Variants in PHLDB2 observed in about 807,000 individuals in gnomAD.
The protein encoded by PHLDB2 is pleckstrin homology-like domain family B member 2.
In PHLDB2, 71 loss-of-function variants were observed where a neutral mutation model predicts 123.6. The ratio of observed to expected loss-of-function variants is 0.57; its 90% CI spans 0.47 to 0.70. The LOEUF (loss-of-function observed/expected upper bound fraction) is 0.70, where lower values mean the gene tolerates loss of function less well. Among genes scored for constraint, PHLDB2 ranks in the 30% least tolerant of loss-of-function variants. PHLDB2 has a pLI of 0.00. For synonymous variants in PHLDB2, 547 were observed against 541.6 expected, an observed-to-expected ratio of 1.01 and a Z score of -0.14; for missense variants, 1,446 against 1,519.5, an observed-to-expected ratio of 0.95 and a Z score of 0.80.
At position 111,962,118 on chromosome 3, in the gene PHLDB2, C is replaced by T. The variant is rs2071447407; in HGVS notation, c.2883C>T (p.His961=). The T allele has an allele frequency of 6.3e-7, 1 of 1,577,914 alleles. No individual in the cohort carries two copies. Reference sequence around the variant, plus strand: ...TGGCTCCTTCCTTAGGTTATAATCACCAACAGATGAGTGAAGGACACAGGC... The same window carrying T: ...TGGCTCCTTCCTTAGGTTATAATCATCAACAGATGAGTGAAGGACACAGGC... ...ESRRMLRGYN[H]QQMSEGHRQK... is the part of the protein sequence containing the mutation. Residue 961 remains histidine (H), a synonymous_variant, in exon 13 of 18, where the codon CAC becomes CAT. Coordinates refer to ENST00000431670, the MANE Select transcript of PHLDB2 (RefSeq NM_001134438.2).
chr3:111,821,357 G>A (rs983024451), intron 1 of PHLDB2, among the ~76,000 whole-genome samples: 2 of 152,200 alleles, frequency 1.3e-5, no homozygotes, highest in African/African-American at 4.8e-5. Context: ...ATGGATGAGA[G>A]ACAGAAGTGG....
At chr3:111,892,176 C>T (rs1052919938) in intron 2 of PHLDB2, among the ~76,000 whole-genome samples, 1 of 152,098 alleles carries the variant, frequency 6.6e-6, no homozygotes, top group Non-Finnish European at 1.5e-5. Flanking sequence ...CGAATTTTTT[C>T]CATTACATAT....
intron 1 of PHLDB2, among the ~76,000 whole-genome samples, chr3:111,829,087 C>T (rs184688535): frequency 1.3e-5 from 2 of 152,156 alleles, no homozygotes; most frequent in African/African-American, 2.4e-5. Flanking sequence ...GACTGTTCAC[C>T]CAGAGTTTTA....
intron 1 of PHLDB2, among the ~76,000 whole-genome samples, chr3:111,758,404 G>A (rs566963579): frequency 2.2e-4 from 33 of 152,322 alleles, no homozygotes; most frequent in East Asian, 9.7e-4. Flanking sequence ...AGGACCCTCC[G>A]AGCCATGTGC....
intron 5 of PHLDB2, among the ~76,000 whole-genome samples, chr3:111,930,657 G>T (rs1317715794): frequency 6.6e-6 from 1 of 152,186 alleles, no homozygotes; most frequent in Non-Finnish European, 1.5e-5. Flanking sequence ...AACGGTGCTA[G>T]TATATTCAGT....
intron 1 of PHLDB2, among the ~76,000 whole-genome samples, chr3:111,816,936 A>G (rs904752972): frequency 2.0e-5 from 3 of 152,174 alleles, no homozygotes; most frequent in African/African-American, 4.8e-5. Context: ...ATGATAATGA[A>G]TGAGTCTCAC....
chr3:111,939,314 T>A (rs1041150866), intron 6 of PHLDB2, among the ~76,000 whole-genome samples, 161 bp from the exon 7 acceptor site: 42 of 152,196 alleles, frequency 2.8e-4, no homozygotes, highest in Non-Finnish European at 2.4e-4. Context: ...AACAGTCACG[T>A]TCTGGGATTT....
At chr3:111,958,855 A>G in intron 12 of PHLDB2, 1 of 409,374 alleles carries the variant, frequency 2.4e-6, no homozygotes, top group Non-Finnish European at 4.8e-6. Flanking sequence ...GCTCCCCCTC[A>G]AAAAGTAGAT....
intron 1 of PHLDB2, among the ~76,000 whole-genome samples, chr3:111,863,123 G>T (rs765370216): frequency 5.3e-5 from 8 of 152,162 alleles, no homozygotes; most frequent in Non-Finnish European, 1.0e-4. Flanking sequence ...AGACTGTGGG[G>T]CACGTGCCTG....
At chr3:111,966,967 GT>G (rs756927567) in intron 14 of PHLDB2, among the ~76,000 whole-genome samples, 17 of 149,818 alleles carry the variant, frequency 1.1e-4, no homozygotes, top group South Asian at 2.1e-4. Flanking sequence ...TTTTGTGTGT[GT>G]TTTTTTTTTG....
In PHLDB2 at chr3:111,911,126, A is replaced by G. The variant is rs78893810; in HGVS notation, c.1336-2193A>G. 6.8e-3 allele frequency among the ~76,000 whole-genome samples: 1,040 copies of G among 152,328 alleles called. 13 individuals carry two copies. The highest frequency in any genetic ancestry group is 0.024 in the African/African-American group (993 of 41,586). On this transcript the variant is annotated intron_variant, in intron 2 of 17. Coordinates refer to ENST00000431670, the MANE Select transcript of PHLDB2 (RefSeq NM_001134438.2). ...TGCAGAAAAAGAAACTATTTTGGGAAGGCCATGTGGGAGGAATTTTTCTCT... is the reference window on the plus strand; with the variant it reads ...TGCAGAAAAAGAAACTATTTTGGGAGGGCCATGTGGGAGGAATTTTTCTCT...
In PHLDB2 at chr3:111,940,736, G is replaced by A. The variant is rs574559048; in HGVS notation, c.2397+91G>A. 58 of 586,332 alleles carry A rather than the reference G, an allele frequency of 9.9e-5. No individual in the cohort carries two copies. In the African/African-American group the frequency reaches 1.0e-3, roughly 10 times the overall value. 36.3% of individuals were successfully genotyped at this position (586,332 alleles called of 1,614,324 possible). A position where few individuals can be genotyped will look rare whatever the true frequency, so the allele number is the denominator to read the frequency against. The stretch of plus-strand genomic sequence containing the variant: ...CCTTTAAAGTAAACACCTTTTAATA[G>A]TGAATGTCTATACAATTTAAGGAAG... On this transcript the variant is annotated intron_variant, in intron 8 of 17. Transcript: ENST00000431670.
At chr3:111,752,240 GTC>G (rs2059791163) in intron 1 of PHLDB2, among the ~76,000 whole-genome samples, 2 of 142,896 alleles carry the variant, frequency 1.4e-5, no homozygotes, top group African/African-American at 5.6e-5. Flanking sequence ...GTGTGTGTGT[GTC>G]TGTGTCTGTG....
intron 1 of PHLDB2, among the ~76,000 whole-genome samples, chr3:111,804,676 T>G (rs1357391199): frequency 6.6e-6 from 1 of 152,238 alleles, no homozygotes; most frequent in Non-Finnish European, 1.5e-5. Flanking sequence ...TAAACTTTCA[T>G]TTCTTATTTA....
In PHLDB2 at chr3:111,747,674, C is replaced by T. The variant is rs184263658; in HGVS notation, c.-49+14971C>T. ...GAAGCCTCTCCCGCAGGGAAGGGAA[C>T]ATGAGGATACACTGAGCTGTGTGTT... On this transcript the variant is annotated intron_variant, in intron 1 of 17. Transcript: ENST00000393923. 6.1e-3 allele frequency among the ~76,000 whole-genome samples: 922 copies of T among 152,280 alleles called. 3 individuals carry two copies. The highest frequency in any genetic ancestry group is 9.1e-3 in the Non-Finnish European group (616 of 68,012).
chr3:111,895,583 C>T (rs1365467238), intron 2 of PHLDB2, among the ~76,000 whole-genome samples: 2 of 152,200 alleles, frequency 1.3e-5, no homozygotes, highest in Non-Finnish European at 2.9e-5. Context: ...CGTGTTGGCT[C>T]ACGCCTGTAA....
intron 1 of PHLDB2, among the ~76,000 whole-genome samples, chr3:111,841,836 C>T (rs72938226): frequency 0.036 from 5,508 of 152,238 alleles, 345 homozygotes; most frequent in African/African-American, 0.12. Context: ...GACTGATAGA[C>T]CTAGAGCACT....
chr3:111,843,640 C>T (rs2063796936), intron 1 of PHLDB2, among the ~76,000 whole-genome samples: 1 of 152,184 alleles, frequency 6.6e-6, no homozygotes, highest in South Asian at 2.1e-4. Context: ...GATCCTCCTG[C>T]CTCAGCCTCC....
In PHLDB2 at chr3:111,812,880, T is replaced by A. The variant is rs563933580; in HGVS notation, c.-48-32941T>A. Among the ~76,000 whole-genome samples, 7 of 152,216 alleles carry A rather than the reference T, an allele frequency of 4.6e-5. No homozygotes were observed. In the East Asian group the frequency reaches 1.4e-3, roughly 29 times the overall value. Reference sequence around the variant, plus strand: ...AGCTTTTACAGCCAAAATCCAGGGGTGAGGTCATGTGGTCCTAGAAAGGAA... The same window carrying A: ...AGCTTTTACAGCCAAAATCCAGGGGAGAGGTCATGTGGTCCTAGAAAGGAA... On this transcript the variant is annotated intron_variant, in intron 1 of 17. Transcript: ENST00000393923.
Sources: allele counts gnomAD v4.1 joint callset (sites outside exome capture counted in the v4.1 genomes callset), GRCh38; gene constraint gnomAD v4.1.1; transcripts MANE v1.5; gene names NCBI Gene and HGNC (gene_info 2026-07-23, HGNC 2026-07-21).